The following EDNRA variants were observed in gnomAD, a reference collection of about 807,000 sequenced individuals.
The protein encoded by EDNRA is endothelin-1 receptor.
EDNRA carries 11 observed loss-of-function variants against 41.4 expected under a neutral mutation model. That is an observed-to-expected ratio of 0.27 (90% CI 0.17 to 0.44). The LOEUF is 0.44. Among genes scored for constraint, EDNRA ranks in the 20% least tolerant of loss-of-function variants. EDNRA has a pLI of 1.00. For missense variants in EDNRA, 294 were observed against 531.0 expected, an observed-to-expected ratio of 0.55 and a Z score of 4.39; for synonymous variants, 172 against 183.0, an observed-to-expected ratio of 0.94 and a Z score of 0.49.
At chr4:147,497,822 T>A (rs1267227272) in intron 2 of EDNRA, among the ~76,000 whole-genome samples, 1 of 152,084 alleles carries the variant, frequency 6.6e-6, no homozygotes, top group Non-Finnish European at 1.5e-5. Context: ...TCCGCCCACC[T>A]CGGCCTCCAA....
chr4:147,490,140 C>G (rs1729086654), intron 2 of EDNRA: 1 of 122,426 alleles, frequency 8.2e-6, no homozygotes, highest in Non-Finnish European at 1.6e-5. Context: ...CCCTTGCTTA[C>G]ATACACTCAC....
intron 2 of EDNRA, among the ~76,000 whole-genome samples, chr4:147,511,582 G>T (rs1313164652): frequency 2.6e-5 from 4 of 152,120 alleles, no homozygotes; most frequent in African/African-American, 4.8e-5. Flanking sequence ...CATTAAATCA[G>T]CTGCATACTT....
chr4:147,521,824 C>T (rs1032841456), intron 3 of EDNRA, among the ~76,000 whole-genome samples: 2 of 152,178 alleles, frequency 1.3e-5, no homozygotes, highest in South Asian at 2.1e-4. Context: ...ATAATCATGA[C>T]ATTTTGAAAA....
chr4:147,524,038 C>T (rs998190485), intron 3 of EDNRA, among the ~76,000 whole-genome samples: 1 of 151,822 alleles, frequency 6.6e-6, no homozygotes, highest in Non-Finnish European at 1.5e-5. Context: ...TTTTTGATCT[C>T]TGGAAAGGGA....
intron 3 of EDNRA, among the ~76,000 whole-genome samples, chr4:147,523,482 T>TTTTG (rs1560910704): frequency 1.5e-3 from 217 of 142,346 alleles, no homozygotes; most frequent in African/African-American, 5.8e-3. Flanking sequence ...TTGTTGTTGT[T>TTTTG]TTTTTGTTTT....
At position 147,486,911 on chromosome 4, in the gene EDNRA, A is replaced by C. The variant is rs1361820070; in HGVS notation, c.420+810A>C. Among the ~76,000 whole-genome samples the C allele has an allele frequency of 6.6e-6, 1 of 152,110 alleles. No individual in the cohort carries two copies. The highest frequency in any genetic ancestry group is 1.9e-4 in the East Asian group (1 of 5,200). On this transcript the variant is annotated intron_variant, in intron 2 of 7. Coordinates refer to ENST00000651419, the MANE Select transcript of EDNRA (RefSeq NM_001957.4). The surrounding 1 kb of genome is among the most constrained non-coding windows in gnomAD (Gnocchi z 4.3). Reference sequence around the variant, plus strand: ...TTTCTACATTGCTATTAAAAAAAAAAAAAAAAGGCTGGGTAATTTATAAAG... The same window carrying C: ...TTTCTACATTGCTATTAAAAAAAAACAAAAAAGGCTGGGTAATTTATAAAG...
chr4:147,489,118 A>G (rs1729047019), intron 2 of EDNRA: 1 of 152,208 alleles, frequency 6.6e-6, no homozygotes, highest in South Asian at 2.1e-4. Context: ...ATGAGTTTTG[A>G]ATCACACCTA....
In EDNRA at chr4:147,542,541, A is replaced by G. The variant is rs1160552352; in HGVS notation, c.1207A>G (p.Thr403Ala). 2 of 1,614,184 alleles carry G rather than the reference A, an allele frequency of 1.2e-6. No individual in the cohort carries two copies. The highest frequency in any genetic ancestry group is 8.5e-7 in the Non-Finnish European group (1 of 1,180,018). ...GATGACCTCGGTCCCCATGAACGGAACAAGCATCCAGTGGAAGAACCACGA... is the reference window on the plus strand; with the variant it reads ...GATGACCTCGGTCCCCATGAACGGAGCAAGCATCCAGTGGAAGAACCACGA... The part of the protein sequence containing the change: ...SLMTSVPMNG[T>A]SIQWKNHDQN... The change falls in exon 8 of 8, where the codon ACA (threonine) becomes GCA (alanine). Residue 403 changes from threonine to alanine, a missense_variant. Coordinates refer to ENST00000651419, the MANE Select transcript of EDNRA (RefSeq NM_001957.4).
At chr4:147,506,188 C>T in intron 2 of EDNRA, 1 of 526,076 alleles carries the variant, frequency 1.9e-6, no homozygotes, top group Admixed American at 2.0e-5. Context: ...ACTGAGGTGT[C>T]ATTTACTTTG....
chr4:147,481,102 T>G lies in EDNRA; in HGVS notation c.-345T>G, dbSNP rs1456489200. On this transcript the variant is annotated 5_prime_UTR_variant, in exon 1 of 8. Coordinates refer to ENST00000651419, the MANE Select transcript of EDNRA (RefSeq NM_001957.4). ...GAGCCCTCGCGCGCGCGTACAGTCA[T>G]CCCGCTGGTCTGACGATTGTGGAGA... 6.6e-6 allele frequency: 1 copy of G among 152,300 alleles called. No homozygotes were observed. The highest frequency in any genetic ancestry group is 2.1e-4 in the South Asian group (1 of 4,820). The allele number at this position is 152,300 out of a possible 1,614,324, so 9.4% of individuals were successfully genotyped here.
chr4:147,492,993 A>G (rs1421369385), intron 2 of EDNRA: 1 of 152,096 alleles, frequency 6.6e-6, no homozygotes, highest in Non-Finnish European at 1.5e-5. Context: ...GGCTCACAGC[A>G]CAGTTATTCC....
chr4:147,492,034 A>G (rs935817245), intron 2 of EDNRA: 3 of 152,140 alleles, frequency 2.0e-5, no homozygotes, highest in Non-Finnish European at 4.4e-5. Context: ...TACCTGGAAT[A>G]TTTTTTCCTC....
intron 2 of EDNRA, chr4:147,490,147 TCACACACACACACACACACACACA>T (rs35106938): frequency 1.4e-5 from 2 of 140,792 alleles, no homozygotes; most frequent in Non-Finnish European, 3.2e-5. Context: ...TTACATACAC[TCACACACACACACACACACACACA>T]CACACACACA....
chr4:147,537,231 A>G (rs578203228), intron 5 of EDNRA, among the ~76,000 whole-genome samples: 2 of 152,224 alleles, frequency 1.3e-5, no homozygotes, highest in Non-Finnish European at 2.9e-5. Context: ...GGCATAATAT[A>G]TGAATCAATA....
chr4:147,520,366 TTGAG>T (rs1489855328), intron 3 of EDNRA: 42 of 517,458 alleles, frequency 8.1e-5, no homozygotes, highest in East Asian at 3.3e-4. Context: ...GTTTAATTAA[TTGAG>T]TGAGAGGTAA....
At chr4:147,496,267 A>C (rs897175746) in intron 2 of EDNRA, among the ~76,000 whole-genome samples, 1 of 152,234 alleles carries the variant, frequency 6.6e-6, no homozygotes, top group African/African-American at 2.4e-5. Flanking sequence ...GTTTTCACCA[A>C]ATAGAAATAT....
rs1578790202 is a variant in EDNRA at position 147,506,066 on chromosome 4, C to T, written c.421-13785C>T. ...TGCAAAAACCTGTACATTGCTCTTT[C>T]CCTGGGTTCCCAGTATCCTGGCAGG... On this transcript the variant is annotated intron_variant, in intron 2 of 7. Transcript: ENST00000651419. 1.2e-5 allele frequency: 6 copies of T among 500,104 alleles called. No homozygotes were observed. In the East Asian group the frequency reaches 3.3e-4, roughly 27 times the overall value. 31.0% of individuals were successfully genotyped at this position (500,104 alleles called of 1,614,324 possible).
At chr4:147,500,138 T>G in intron 2 of EDNRA, among the ~76,000 whole-genome samples, 1 of 152,114 alleles carries the variant, frequency 6.6e-6, no homozygotes, top group Non-Finnish European at 1.5e-5. Context: ...TTTACATACT[T>G]GAAGTTACTC....
chr4:147,500,203 G>A (rs1729465845), intron 2 of EDNRA, among the ~76,000 whole-genome samples: 1 of 152,064 alleles, frequency 6.6e-6, no homozygotes, highest in African/African-American at 2.4e-5. Context: ...TGAATTACAA[G>A]ATCATAACTA....
Sources: allele counts gnomAD v4.1 joint callset (sites outside exome capture counted in the v4.1 genomes callset), GRCh38; gene constraint gnomAD v4.1.1; non-coding constraint Gnocchi (gnomAD v3.1); transcripts MANE v1.5; gene names NCBI Gene and HGNC (gene_info 2026-07-23, HGNC 2026-07-21).